The following PPP2R2A variants were observed in gnomAD, a reference collection of about 807,000 sequenced individuals.
The protein encoded by PPP2R2A is serine/threonine-protein phosphatase 2A 55 kDa regulatory subunit B alpha isoform.
Under a neutral mutation model 53.2 loss-of-function variants are expected in PPP2R2A, and 9 were observed. That is an observed-to-expected ratio of 0.17 (90% confidence interval 0.10 to 0.30). The LOEUF is 0.30. Ranked by LOEUF, PPP2R2A falls within the 10% of genes least tolerant of loss-of-function variation. The probability of loss-of-function intolerance (pLI) is 1.00; values close to 1 mark genes in which losing one functional copy is unlikely to be tolerated. For missense variants in PPP2R2A, 235 were observed against 534.6 expected (o/e 0.44, Z 5.53); for synonymous variants, 169 against 174.2 (o/e 0.97, Z 0.23).
chr8:26,342,218 A>G (rs1005426102), intron 3 of PPP2R2A, among the ~76,000 whole-genome samples: 2 of 152,234 alleles, frequency 1.3e-5, no homozygotes, highest in Non-Finnish European at 2.9e-5. Context: ...AATCACAGCC[A>G]TCATGTGATC....
chr8:26,332,735 C>T (rs1162580500), intron 2 of PPP2R2A, among the ~76,000 whole-genome samples: 1 of 152,198 alleles, frequency 6.6e-6, no homozygotes, highest in African/African-American at 2.4e-5. Flanking sequence ...CAGGCAGTAA[C>T]TGTAATGTGG....
At chr8:26,333,056 C>T (rs1187621108) in intron 2 of PPP2R2A, among the ~76,000 whole-genome samples, 1 of 152,168 alleles carries the variant, frequency 6.6e-6, no homozygotes, top group Non-Finnish European at 1.5e-5. Context: ...AATAAATGCC[C>T]ACTTAGCACA....
chr8:26,329,268 A>AAT (rs1803246462), intron 2 of PPP2R2A, among the ~76,000 whole-genome samples: 1 of 152,094 alleles, frequency 6.6e-6, no homozygotes, highest in Admixed American at 6.6e-5. Context: ...TTTTAGAAGA[A>AAT]ATATATACTT....
chr8:26,339,907 T>C (rs1469831682), intron 3 of PPP2R2A: 3 of 152,046 alleles, frequency 2.0e-5, no homozygotes, highest in Non-Finnish European at 4.4e-5. Flanking sequence ...CTATAGCGCC[T>C]TTGACCTGAG....
At chr8:26,337,576 G>C (rs1274799118) in intron 2 of PPP2R2A, among the ~76,000 whole-genome samples, 2 of 152,160 alleles carry the variant, frequency 1.3e-5, no homozygotes, top group Admixed American at 1.3e-4. Flanking sequence ...TGACTTCTCA[G>C]TACTTACTGG....
At chr8:26,310,401 CT>C (rs1008881931) in intron 2 of PPP2R2A, among the ~76,000 whole-genome samples, 2 of 145,640 alleles carry the variant, frequency 1.4e-5, no homozygotes, top group Non-Finnish European at 3.0e-5. Context: ...GCATATAGTT[CT>C]TTTTCCACAG....
chr8:26,358,813 T>C (rs1012292732), intron 4 of PPP2R2A: 3 of 405,348 alleles, frequency 7.4e-6, no homozygotes, highest in Admixed American at 2.5e-5. Context: ...AATGGATACA[T>C]GGAGAGCAGG....
intron 2 of PPP2R2A, among the ~76,000 whole-genome samples, chr8:26,337,903 A>T (rs2117324004): frequency 6.6e-6 from 1 of 152,386 alleles, no homozygotes; most frequent in South Asian, 2.1e-4. Context: ...AAAGAAAATT[A>T]TGAAATGCAG....
Position 26,354,623 on chromosome 8 carries a change from G to A in PPP2R2A, c.336G>A (p.Leu112=), listed in dbSNP as rs779537475. 4 of 1,605,058 alleles carry A rather than the reference G, an allele frequency of 2.5e-6. No homozygotes were observed. Among genetic ancestry groups the A allele is most frequent in the East Asian group, 2.2e-5 (1 of 44,720 alleles). ...LPQKNAAQFL[L]STNDKTIKLW... ...AGAAAAATGCTGCTCAGTTTTTATT[G>A]TCTACCAATGGTAAGTATACATATT... The change falls in exon 4 of 10, where the codon TTG becomes TTA. Residue 112 remains leucine, a synonymous_variant. Coordinates refer to ENST00000380737, the MANE Select transcript of PPP2R2A (RefSeq NM_002717.4). The surrounding 1 kb of genome is among the most constrained non-coding windows in gnomAD (Gnocchi z 4.6).
chr8:26,356,266 C>T (rs757860064), intron 4 of PPP2R2A, among the ~76,000 whole-genome samples: 2 of 152,174 alleles, frequency 1.3e-5, no homozygotes, highest in Non-Finnish European at 2.9e-5. Context: ...CCCTCGTCCA[C>T]AGTATTAGTT....
At chr8:26,298,653 T>C (rs1040092445) in intron 2 of PPP2R2A, 2 of 152,214 alleles carry the variant, frequency 1.3e-5, no homozygotes, top group African/African-American at 4.8e-5. Context: ...ATTTGGTTTT[T>C]TAAAAAACGT....
At chr8:26,355,593 G>A (rs892554363) in intron 4 of PPP2R2A, among the ~76,000 whole-genome samples, 7 of 152,036 alleles carry the variant, frequency 4.6e-5, no homozygotes, top group Admixed American at 6.5e-5. Flanking sequence ...GGCCGGGCGT[G>A]GTGGCTCACG....
intron 3 of PPP2R2A, among the ~76,000 whole-genome samples, chr8:26,340,474 CTTTTA>C (rs773583351): frequency 1.3e-5 from 2 of 151,960 alleles, no homozygotes; most frequent in African/African-American, 2.4e-5. Flanking sequence ...CTACACTTTA[CTTTTA>C]TTTTAAAGAA....
At chr8:26,293,622 C>G in intron 1 of PPP2R2A, 44 bp from the exon 2 acceptor site, 1 of 1,573,972 alleles carries the variant, frequency 6.4e-7, no homozygotes, top group Non-Finnish European at 8.7e-7. Context: ...CGAGAGTCAA[C>G]ATAAGCAGAA....
At chr8:26,291,905 C>T (rs1214948334) in intron 1 of PPP2R2A, 79 bp downstream of exon 1, 1 of 1,567,038 alleles carries the variant, frequency 6.4e-7, no homozygotes, top group Non-Finnish European at 8.7e-7. Context: ...AGCGACCGCC[C>T]GCGCCTCGCG....
At chr8:26,346,221 A>G (rs560600155) in intron 3 of PPP2R2A, among the ~76,000 whole-genome samples, 23 of 151,942 alleles carry the variant, frequency 1.5e-4, no homozygotes, top group African/African-American at 5.6e-4. Context: ...GCTCACTGCA[A>G]CTTCCACCAC....
In PPP2R2A at chr8:26,363,868, A is replaced by G. The variant is rs1365558835; in HGVS notation, c.950A>G (p.Asn317Ser). Residue 317 changes from asparagine (N) to serine (S), a missense_variant, in exon 8 of 10, where the codon AAC becomes AGC. By Grantham distance (46) the Asn-to-Ser change is conservative. Transcript: ENST00000380737. ...AAAATTTGGGACTTAAATATGGAAA[A>G]CAGGCCTGTGGAAACATACCAGGTA... The part of the protein sequence containing the change: ...SVKIWDLNME[N>S]RPVETYQVHE... 6.3e-7 allele frequency: 1 copy of G among 1,599,612 alleles called. No homozygotes were observed. The highest frequency in any genetic ancestry group is 1.3e-5 in the African/African-American group (1 of 74,806).
intron 2 of PPP2R2A, among the ~76,000 whole-genome samples, chr8:26,325,780 G>A (rs1438369792): frequency 2.0e-5 from 3 of 152,114 alleles, no homozygotes; most frequent in East Asian, 3.8e-4. Flanking sequence ...TAATAGTTTT[G>A]TTGTGATGAT....
chr8:26,319,236 CT>C (rs1802712423), intron 2 of PPP2R2A, among the ~76,000 whole-genome samples: 1 of 152,140 alleles, frequency 6.6e-6, no homozygotes, highest in Non-Finnish European at 1.5e-5. Context: ...TTGCTTTCAC[CT>C]TTTGGCTATT....
Sources: allele counts gnomAD v4.1 joint callset (sites outside exome capture counted in the v4.1 genomes callset), GRCh38; gene constraint gnomAD v4.1.1; non-coding constraint Gnocchi (gnomAD v3.1); transcripts MANE v1.5; gene names NCBI Gene and HGNC (gene_info 2026-07-23, HGNC 2026-07-21).